Variants in CNTN5 observed in about 807,000 individuals in gnomAD.
CNTN5 encodes contactin 5.
In CNTN5, 77 loss-of-function variants were observed where a neutral mutation model predicts 129.1. The observed-to-expected ratio is 0.60, with a 90% CI of 0.50 to 0.72. The LOEUF is 0.72. CNTN5 is among the 30% of genes least tolerant of loss of function. The pLI, the probability that CNTN5 is intolerant of heterozygous loss-of-function variation, is 0.00. For missense variants in CNTN5, 1,478 were observed against 1,328.8 expected (o/e 1.11, Z -1.75); for synonymous variants, 509 against 465.6 (o/e 1.09, Z -1.20).
At chr11:99,858,944 T>C (rs1948125000) in intron 6 of CNTN5, among the ~76,000 whole-genome samples, 1 of 145,440 alleles carries the variant, frequency 6.9e-6, no homozygotes, top group Non-Finnish European at 1.5e-5. Flanking sequence ...CTTCAAAAAA[T>C]CCTACAAATT....
At chr11:99,852,957 A>G (rs1410879404) in intron 6 of CNTN5, among the ~76,000 whole-genome samples, 2 of 152,238 alleles carry the variant, frequency 1.3e-5, no homozygotes, top group African/African-American at 2.4e-5. Context: ...GTGTCAGGTT[A>G]ACATGATAAA....
At chr11:100,292,442 G>T (rs1041554519) in intron 18 of CNTN5, among the ~76,000 whole-genome samples, 9 of 151,962 alleles carry the variant, frequency 5.9e-5, no homozygotes, top group African/African-American at 1.9e-4. Context: ...CCAAAATCTA[G>T]AATTATAGGA....
intron 2 of CNTN5, among the ~76,000 whole-genome samples, chr11:99,419,911 G>A (rs1368642656): frequency 6.6e-6 from 1 of 152,030 alleles, no homozygotes; most frequent in African/African-American, 2.4e-5. Flanking sequence ...CAAACACCAT[G>A]TATCTAGCAT....
intron 18 of CNTN5, among the ~76,000 whole-genome samples, chr11:100,294,484 A>ACATTATCCACTAATTTCTT (rs1951062912): frequency 6.6e-6 from 1 of 151,736 alleles, no homozygotes; most frequent in Non-Finnish European, 1.5e-5. Context: ...CTAATGGATG[A>ACATTATCCACTAATTTCTT]GCTTTGCTCA....
chr11:99,856,269 A>G (rs1478861616), intron 6 of CNTN5, among the ~76,000 whole-genome samples: 1 of 152,212 alleles, frequency 6.6e-6, no homozygotes, highest in Non-Finnish European at 1.5e-5. Flanking sequence ...TGCTTTTTAC[A>G]GAGCTTTTTT....
intron 6 of CNTN5, among the ~76,000 whole-genome samples, chr11:99,884,269 A>G (rs1307875833): frequency 6.6e-6 from 1 of 152,214 alleles, no homozygotes; most frequent in African/African-American, 2.4e-5. Context: ...AAAAAATATT[A>G]GATTTGTACC....
At chr11:99,764,659 G>A (rs185267336) in intron 3 of CNTN5, among the ~76,000 whole-genome samples, 274 of 152,100 alleles carry the variant, frequency 1.8e-3, no homozygotes, top group Non-Finnish European at 3.4e-3. Context: ...CAGGTGATCC[G>A]CCTGCCTCAG....
At chr11:99,291,469 C>G (rs1400999997) in intron 1 of CNTN5, among the ~76,000 whole-genome samples, 1 of 151,694 alleles carries the variant, frequency 6.6e-6, no homozygotes, top group East Asian at 1.9e-4. Context: ...ACCTTTGGCC[C>G]AGTTATTTTA....
At chr11:99,368,686 G>A (rs1939618441) in intron 2 of CNTN5, among the ~76,000 whole-genome samples, 2 of 152,062 alleles carry the variant, frequency 1.3e-5, no homozygotes, top group African/African-American at 4.8e-5. Context: ...TGTTGTATTA[G>A]TCAGAAAATA....
At chr11:99,334,216 A>C (rs1866124073) in intron 2 of CNTN5, among the ~76,000 whole-genome samples, 1 of 152,104 alleles carries the variant, frequency 6.6e-6, no homozygotes, top group Non-Finnish European at 1.5e-5. Context: ...TTCACAATTC[A>C]TGACAGGGTA....
intron 16 of CNTN5, among the ~76,000 whole-genome samples, chr11:100,254,537 T>A (rs116244619): frequency 0.034 from 5,221 of 152,262 alleles, 324 homozygotes; most frequent in African/African-American, 0.12. Flanking sequence ...ATCTTCTATA[T>A]CTTTAGTCTC....
At chr11:99,357,245 T>C (rs968324607) in intron 2 of CNTN5, among the ~76,000 whole-genome samples, 1 of 152,154 alleles carries the variant, frequency 6.6e-6, no homozygotes, top group Non-Finnish European at 1.5e-5. Flanking sequence ...CTTATTTGCC[T>C]CTTTTTAAAA....
chr11:99,355,423 G>A (rs1261285816), intron 2 of CNTN5, among the ~76,000 whole-genome samples: 5 of 152,048 alleles, frequency 3.3e-5, no homozygotes, highest in African/African-American at 1.2e-4. Context: ...TTTCACATGA[G>A]ACCCCAAAAC....
At chr11:99,836,248 C>T (rs897940603) in intron 4 of CNTN5, among the ~76,000 whole-genome samples, 25 of 151,042 alleles carry the variant, frequency 1.7e-4, no homozygotes, top group African/African-American at 6.1e-4. Context: ...CACCCATTAA[C>T]TCGTCACTTA....
chr11:99,099,304 A>G (rs1304179548), intron 1 of CNTN5, among the ~76,000 whole-genome samples: 1 of 152,138 alleles, frequency 6.6e-6, no homozygotes, highest in Admixed American at 6.6e-5. Flanking sequence ...AAATACTTCA[A>G]GGCATATAAA....
At chr11:100,055,876 A>C in intron 9 of CNTN5, among the ~76,000 whole-genome samples, 1 of 150,878 alleles carries the variant, frequency 6.6e-6, no homozygotes, top group South Asian at 2.1e-4. Flanking sequence ...CTCTCTCTTA[A>C]CTCTATCTCT....
intron 4 of CNTN5, among the ~76,000 whole-genome samples, chr11:99,836,721 G>A (rs1389139976): frequency 4.6e-5 from 7 of 152,176 alleles, no homozygotes. Flanking sequence ...TCGCCACACT[G>A]TCTTCCACAA....
chr11:100,054,860 T>G (rs1341482335), intron 9 of CNTN5, among the ~76,000 whole-genome samples: 1 of 151,648 alleles, frequency 6.6e-6, no homozygotes, highest in East Asian at 1.9e-4. Context: ...ATTTTGTACT[T>G]TTCTCTACAC....
intron 1 of CNTN5, among the ~76,000 whole-genome samples, chr11:99,077,007 G>A (rs12421326): frequency 6.6e-6 from 1 of 152,072 alleles, no homozygotes; most frequent in Admixed American, 6.6e-5. Context: ...GTAATATGAA[G>A]GTTCTGGTAG....
Sources: allele counts gnomAD v4.1 joint callset (sites outside exome capture counted in the v4.1 genomes callset), GRCh38; gene constraint gnomAD v4.1.1; transcripts MANE v1.5; gene names NCBI Gene and HGNC (gene_info 2026-07-23, HGNC 2026-07-21).